The following PCM1 variants were observed in gnomAD, a reference collection of about 807,000 sequenced individuals.
The protein encoded by PCM1 is pericentriolar material 1 protein.
PCM1 carries 157 observed loss-of-function variants against 241.9 expected under a neutral mutation model. The ratio of observed to expected loss-of-function variants is 0.65; its 90% confidence interval spans 0.57 to 0.74. The LOEUF is 0.74. Ranked by LOEUF, PCM1 falls within the 30% of genes least tolerant of loss-of-function variation. PCM1 has a pLI of 0.00. For missense variants in PCM1, 3,478 were observed against 2,360.1 expected, an observed-to-expected ratio of 1.47 and a Z score of -9.81; for synonymous variants, 1,085 against 784.9, an observed-to-expected ratio of 1.38 and a Z score of -6.39.
In PCM1 at chr8:17,957,919, A is replaced by T. The variant is rs139309679; in HGVS notation, c.2040+144A>T. 1.3e-5 allele frequency: 8 copies of T among 618,218 alleles called. No individual in the cohort carries two copies. In the East Asian group the frequency reaches 2.2e-4, roughly 17 times the overall value. 38.3% of individuals were successfully genotyped at this position (618,218 alleles called of 1,614,324 possible). ...GAGGTTTAAATTTTTAGCACTTTAC[A>T]TGCTGTATGTCAGAGGTCAGCAACC... On this transcript the variant is annotated intron_variant, in intron 13 of 38. Coordinates refer to ENST00000325083, the MANE Select transcript of PCM1 (RefSeq NM_006197.4).
intron 29 of PCM1, among the ~76,000 whole-genome samples, chr8:17,999,116 C>A (rs111694115): frequency 1.4e-4 from 21 of 152,044 alleles, no homozygotes; most frequent in Non-Finnish European, 2.5e-4. Flanking sequence ...AATTGCGGAT[C>A]CCAGGAGCCT....
At chr8:17,948,294 CTTTTTTTTTTTT>C (rs550672840) in intron 7 of PCM1, among the ~76,000 whole-genome samples, 21 of 64,006 alleles carry the variant, frequency 3.3e-4, no homozygotes, top group South Asian at 1.3e-3. Flanking sequence ...CAAATAACCT[CTTTTTTTTTTTT>C]TTTTTTTTTT....
At position 18,011,220 on chromosome 8, in the gene PCM1, A is replaced by T; in HGVS notation, c.5221-17A>T. 1 of 1,577,700 alleles carries T rather than the reference A, an allele frequency of 6.3e-7. No homozygotes were observed. Among genetic ancestry groups the T allele is most frequent in the South Asian group, 1.2e-5 (1 of 84,724 alleles). On this transcript the variant is annotated splice_polypyrimidine_tract_variant and intron_variant, in intron 32 of 38. Coordinates refer to ENST00000325083, the MANE Select transcript of PCM1 (RefSeq NM_006197.4). ...TGTACTTTAAGGAATTAATTACTCA[A>T]ATATTTTTGTGTCTAGGACAAGGAT...
intron 2 of PCM1, chr8:17,925,575 G>C (rs1585325343): frequency 6.6e-6 from 1 of 152,188 alleles, no homozygotes; most frequent in Non-Finnish European, 1.5e-5. Flanking sequence ...AGTGGCTCAC[G>C]CCTGTAATCC....
At chr8:17,953,516 C>T (rs780975673) in intron 9 of PCM1, among the ~76,000 whole-genome samples, 1 of 151,944 alleles carries the variant, frequency 6.6e-6, no homozygotes, top group Non-Finnish European at 1.5e-5. Flanking sequence ...TCAAAATTTT[C>T]CCTTAAAGAA....
rs1378022186 is a variant in PCM1, at chr8:18,029,785, TAGAG to T, written c.*2124_*2127del. Reference sequence around the variant, plus strand: ...GTTAAAAATTTTGGTTACAGATAGATAGAGGGAGAAAAGTTCAAAATGAGTGAGA... The same window carrying T: ...GTTAAAAATTTTGGTTACAGATAGATGGAGAAAAGTTCAAAATGAGTGAGA... On this transcript the variant is annotated 3_prime_UTR_variant, in exon 39 of 39. Coordinates refer to ENST00000325083, the MANE Select transcript of PCM1 (RefSeq NM_006197.4). The T allele has an allele frequency of 5.1e-6, 1 of 195,682 alleles. No homozygotes were observed. Among genetic ancestry groups the T allele is most frequent in the Non-Finnish European group, 1.1e-5 (1 of 94,238 alleles). 12.1% of individuals were successfully genotyped at this position (195,682 alleles called of 1,614,324 possible).
At chr8:18,003,130 G>A (rs1461858854) in intron 29 of PCM1, among the ~76,000 whole-genome samples, 1 of 152,078 alleles carries the variant, frequency 6.6e-6, no homozygotes, top group Admixed American at 6.6e-5. Context: ...TGTAATATTT[G>A]TCTGCCTCTC....
At chr8:18,025,730 T>C (rs569176948) in intron 38 of PCM1, 72 bp downstream of exon 38, 2 of 847,564 alleles carry the variant, frequency 2.4e-6, no homozygotes, top group South Asian at 3.3e-5. Context: ...TGTGTTTTAT[T>C]TTTTAAATAT....
At chr8:17,988,069 A>G (rs540924122) in intron 26 of PCM1, among the ~76,000 whole-genome samples, 1 of 151,766 alleles carries the variant, frequency 6.6e-6, no homozygotes, top group Non-Finnish European at 1.5e-5. Context: ...GCTGTAAGTC[A>G]AGGAGGATGG....
rs745642422 is a variant in PCM1 at position 18,027,617 on chromosome 8, A to AT, written c.6050-15dup. 28 of 1,555,264 alleles carry AT rather than the reference A, an allele frequency of 1.8e-5. No individual in the cohort carries two copies. Among genetic ancestry groups the AT allele is most frequent in the Middle Eastern group, 1.9e-4 (1 of 5,306 alleles). ...TAATTCGATAAGTAATTTATAAAGCATTTTTATTCTGTTTTTCAGAAACGG... is the reference window on the plus strand; with the variant it reads ...TAATTCGATAAGTAATTTATAAAGCATTTTTTATTCTGTTTTTCAGAAACGG... On this transcript the variant is annotated intron_variant, in intron 38 of 38. Coordinates refer to ENST00000325083, the MANE Select transcript of PCM1 (RefSeq NM_006197.4).
intron 24 of PCM1, among the ~76,000 whole-genome samples, chr8:17,984,685 C>T (rs2082027971): frequency 6.6e-6 from 1 of 151,768 alleles, no homozygotes. Flanking sequence ...TTTGAAAGCG[C>T]AATGTATTAA....
At chr8:17,993,248 T>A (rs531454035) in intron 28 of PCM1, among the ~76,000 whole-genome samples, 3 of 152,212 alleles carry the variant, frequency 2.0e-5, no homozygotes, top group African/African-American at 7.2e-5. Context: ...GTATATTTTT[T>A]ATTGATTACA....
intron 5 of PCM1, among the ~76,000 whole-genome samples, 195 bp from the exon 6 acceptor site, chr8:17,939,496 A>G (rs2061411774): frequency 6.6e-6 from 1 of 152,154 alleles, no homozygotes; most frequent in African/African-American, 2.4e-5. Flanking sequence ...AGTTTTTAGT[A>G]TTACCAATTA....
chr8:17,928,616 CTTTTTTT>C (rs71215287), intron 2 of PCM1, among the ~76,000 whole-genome samples: 1,707 of 82,526 alleles, frequency 0.021, 58 homozygotes, highest in African/African-American at 0.08. Flanking sequence ...GTATCTCCCT[CTTTTTTT>C]TTTTTTTTTT....
chr8:18,000,932 A>T (rs1190292913), intron 29 of PCM1, among the ~76,000 whole-genome samples: 2 of 152,232 alleles, frequency 1.3e-5, no homozygotes, highest in Non-Finnish European at 2.9e-5. Context: ...GTACTTTAAA[A>T]TTGAACTGTC....
chr8:17,924,007 G>GTTTT (rs5889752), intron 1 of PCM1, among the ~76,000 whole-genome samples: 96,528 of 148,914 alleles, frequency 0.65, 31,909 homozygotes, highest in Non-Finnish European at 0.73. Context: ...GTTTTGTTTT[G>GTTTT]TTTTTTTGAG....
chr8:17,985,785 A>C (rs2082380554), intron 25 of PCM1, among the ~76,000 whole-genome samples, 166 bp downstream of exon 25: 1 of 151,740 alleles, frequency 6.6e-6, no homozygotes, highest in African/African-American at 2.4e-5. Context: ...AGTAGCATTA[A>C]AGTATTTTTT....
intron 29 of PCM1, among the ~76,000 whole-genome samples, chr8:17,997,507 T>A (rs2087321851): frequency 6.6e-6 from 1 of 152,136 alleles, no homozygotes; most frequent in African/African-American, 2.4e-5. Context: ...ATTTTGCAGA[T>A]CCTGTAGGTG....
intron 29 of PCM1, among the ~76,000 whole-genome samples, chr8:18,000,511 C>T (rs2088917621): frequency 6.6e-6 from 1 of 151,572 alleles, no homozygotes; most frequent in Non-Finnish European, 1.5e-5. Context: ...TCAGTAGGTC[C>T]TACTAATGGG....
Sources: allele counts gnomAD v4.1 joint callset (sites outside exome capture counted in the v4.1 genomes callset), GRCh38; gene constraint gnomAD v4.1.1; transcripts MANE v1.5; gene names NCBI Gene and HGNC (gene_info 2026-07-23, HGNC 2026-07-21).